Variants in CNTN4 observed in about 807,000 individuals in gnomAD.
CNTN4 encodes contactin 4.
Under a neutral mutation model 122.5 loss-of-function variants are expected in CNTN4, and 77 were observed. That is an observed-to-expected ratio of 0.63 (90% CI 0.52 to 0.76). The LOEUF (loss-of-function observed/expected upper bound fraction) is 0.76. Among genes scored for constraint, CNTN4 ranks in the 30% least tolerant of loss-of-function variants. The probability of loss-of-function intolerance (pLI) is 0.00; values close to 1 mark genes in which losing one functional copy is unlikely to be tolerated. For synonymous variants in CNTN4, 512 were observed against 447.0 expected (o/e 1.15, Z -1.83); for missense variants, 1,256 against 1,259.1 (o/e 1.00, Z 0.04).
At chr3:2,399,860 C>T (rs993020937) in intron 3 of CNTN4, among the ~76,000 whole-genome samples, 25 of 151,960 alleles carry the variant, frequency 1.6e-4, no homozygotes, top group Non-Finnish European at 3.7e-4. Context: ...TTCATCATTA[C>T]CAGCTTACCA....
chr3:2,127,451 C>G (rs993757803), intron 2 of CNTN4, among the ~76,000 whole-genome samples: 3 of 152,060 alleles, frequency 2.0e-5, no homozygotes, highest in African/African-American at 7.2e-5. Context: ...AATTCAGGCT[C>G]ATTGAACTTG....
chr3:2,255,078 G>C (rs2040526294), intron 2 of CNTN4, among the ~76,000 whole-genome samples: 1 of 152,140 alleles, frequency 6.6e-6, no homozygotes, highest in Non-Finnish European at 1.5e-5. Context: ...TGTAAGGAAG[G>C]GCTCCAGTTT....
chr3:2,507,779 T>TG (rs2076774218), intron 3 of CNTN4, among the ~76,000 whole-genome samples: 1 of 151,118 alleles, frequency 6.6e-6, no homozygotes, highest in Non-Finnish European at 1.5e-5. Flanking sequence ...AATTGGCTTT[T>TG]TTTTTTTAGC....
intron 6 of CNTN4, among the ~76,000 whole-genome samples, chr3:2,771,885 G>C (rs1034136699): frequency 2.6e-5 from 4 of 152,210 alleles, no homozygotes; most frequent in Non-Finnish European, 2.9e-5. Context: ...TGACTGAGCA[G>C]AGTCTTGACA....
At chr3:2,431,248 G>A (rs2134357) in intron 3 of CNTN4, among the ~76,000 whole-genome samples, 86,562 of 151,926 alleles carry the variant, frequency 0.57, 25,948 homozygotes, top group Non-Finnish European at 0.67. Flanking sequence ...AGATAGGCCA[G>A]TATATTCTGT....
chr3:2,233,285 G>T (rs1454407065), intron 2 of CNTN4, among the ~76,000 whole-genome samples: 1 of 152,054 alleles, frequency 6.6e-6, no homozygotes, highest in Non-Finnish European at 1.5e-5. Context: ...AAAATCATAT[G>T]AATATTGAGT....
chr3:2,575,544 A>C (rs1174202418), intron 4 of CNTN4, among the ~76,000 whole-genome samples: 1 of 152,096 alleles, frequency 6.6e-6, no homozygotes. Context: ...ATGATACCGC[A>C]TACACTTAGA....
At chr3:2,233,102 T>C (rs969852524) in intron 2 of CNTN4, among the ~76,000 whole-genome samples, 1 of 78,714 alleles carries the variant, frequency 1.3e-5, no homozygotes, top group South Asian at 5.3e-4. Context: ...GCTGCTATGA[T>C]TATATTTTTA....
intron 3 of CNTN4, among the ~76,000 whole-genome samples, chr3:2,384,726 C>A (rs1237871806): frequency 1.3e-5 from 2 of 151,784 alleles, no homozygotes; most frequent in Non-Finnish European, 2.9e-5. Context: ...GTAAATTTGT[C>A]CCTGGCTCCT....
intron 3 of CNTN4, among the ~76,000 whole-genome samples, chr3:2,458,056 G>A (rs767281571): frequency 7.2e-5 from 11 of 152,212 alleles, no homozygotes; most frequent in Middle Eastern, 3.4e-3. Flanking sequence ...AGCTTCATTT[G>A]CATGGAAGTG....
chr3:2,993,465 T>G (rs1332900709), intron 14 of CNTN4, among the ~76,000 whole-genome samples: 1 of 151,792 alleles, frequency 6.6e-6, no homozygotes, highest in Non-Finnish European at 1.5e-5. Context: ...GCCCAGCTAA[T>G]TTTTGTATTT....
chr3:2,515,718 T>C (rs1049086503), intron 3 of CNTN4, among the ~76,000 whole-genome samples: 1 of 152,196 alleles, frequency 6.6e-6, no homozygotes, highest in African/African-American at 2.4e-5. Flanking sequence ...CTTCTTGATA[T>C]ACTCGAACCA....
chr3:3,054,597 T>C (rs1046830573), intron 24 of CNTN4, among the ~76,000 whole-genome samples: 2 of 152,182 alleles, frequency 1.3e-5, no homozygotes, highest in African/African-American at 4.8e-5. Flanking sequence ...AGCATGATTT[T>C]TTTGTTGTTG....
At chr3:2,400,865 A>G (rs1038828276) in intron 3 of CNTN4, among the ~76,000 whole-genome samples, 2 of 151,552 alleles carry the variant, frequency 1.3e-5, no homozygotes, top group East Asian at 1.9e-4. Context: ...ATATATTACT[A>G]TATATAAGTA....
intron 4 of CNTN4, among the ~76,000 whole-genome samples, chr3:2,708,756 C>T (rs367845224): frequency 2.2e-5 from 2 of 91,536 alleles, no homozygotes; most frequent in South Asian, 3.8e-4. Flanking sequence ...CACACACACA[C>T]ACACACACAC....
intron 2 of CNTN4, among the ~76,000 whole-genome samples, chr3:2,285,107 T>C (rs1393109211): frequency 3.3e-5 from 5 of 152,034 alleles, no homozygotes; most frequent in African/African-American, 4.8e-5. Context: ...ATTATTTTCT[T>C]GCAACAAAGA....
chr3:2,547,969 A>G (rs956652073), intron 3 of CNTN4, among the ~76,000 whole-genome samples: 1 of 152,164 alleles, frequency 6.6e-6, no homozygotes, highest in Non-Finnish European at 1.5e-5. Flanking sequence ...TGTTCTGTTC[A>G]TATCCTTTGC....
intron 3 of CNTN4, among the ~76,000 whole-genome samples, chr3:2,554,804 C>G (rs988867370): frequency 6.6e-6 from 1 of 152,078 alleles, no homozygotes; most frequent in African/African-American, 2.4e-5. Flanking sequence ...AGGAATTTGG[C>G]CAAAGCTCAT....
chr3:2,590,428 T>C (rs113393860), intron 4 of CNTN4, among the ~76,000 whole-genome samples: 2 of 152,140 alleles, frequency 1.3e-5, no homozygotes, highest in African/African-American at 2.4e-5. Context: ...AGCTAATTTT[T>C]GTATTTTGTG....
Sources: gnomAD v4.1 joint callset for allele counts (sites outside exome capture counted in the v4.1 genomes callset) on GRCh38, gnomAD v4.1.1 for gene constraint, MANE v1.5 for transcripts, NCBI Gene and HGNC (gene_info 2026-07-23, HGNC 2026-07-21) for gene names.